RTN4IP1: variants seen among roughly 807,000 people sequenced by gnomAD.
The protein encoded by RTN4IP1 is NAD(P)H oxidoreductase RTN4IP1, mitochondrial.
RTN4IP1 carries 32 observed loss-of-function variants against 46.6 expected under a neutral mutation model. The ratio of observed to expected loss-of-function variants is 0.69; its 90% CI spans 0.52 to 0.92. The LOEUF (loss-of-function observed/expected upper bound fraction) is 0.92, where lower values mean the gene tolerates loss of function less well. RTN4IP1 is among the 40% of genes least tolerant of loss of function. RTN4IP1 has a pLI of 0.00. For synonymous variants in RTN4IP1, 167 were observed against 161.8 expected, an observed-to-expected ratio of 1.03 and a Z score of -0.24; for missense variants, 424 against 485.8, an observed-to-expected ratio of 0.87 and a Z score of 1.20.
At chr6:106,610,321 C>T (rs1026039318) in intron 4 of RTN4IP1, among the ~76,000 whole-genome samples, 1 of 152,162 alleles carries the variant, frequency 6.6e-6, no homozygotes, top group African/African-American at 2.4e-5. Context: ...ACCTCAGCCT[C>T]CCAAAGTGCT....
intron 1 of RTN4IP1, among the ~76,000 whole-genome samples, chr6:106,624,759 A>G (rs1455866123): frequency 6.6e-6 from 1 of 151,308 alleles, no homozygotes; most frequent in Non-Finnish European, 1.5e-5. Flanking sequence ...ACCAGCCTAG[A>G]GCTCATCTCT....
In RTN4IP1 at chr6:106,628,624, G is replaced by A. The variant is rs142415099; in HGVS notation, c.274+124C>T. 2,235 of 901,614 alleles carry A rather than the reference G, an allele frequency of 2.5e-3. 5 individuals are homozygous for A. The highest frequency in any genetic ancestry group is 8.2e-3 in the Middle Eastern group (26 of 3,152). 55.9% of individuals were successfully genotyped at this position (901,614 alleles called of 1,614,324 possible). A position where few individuals can be genotyped will look rare whatever the true frequency, so the allele number is the denominator to read the frequency against. On this transcript the variant is annotated intron_variant, in intron 1 of 8. Coordinates refer to ENST00000369063, the MANE Select transcript of RTN4IP1 (RefSeq NM_032730.5). Reference sequence around the variant, plus strand: ...AAAAATTTTGGAAATATTTGCAGAGGTATTGTTAAAAACCTAAATGATTCA... The same window carrying A: ...AAAAATTTTGGAAATATTTGCAGAGATATTGTTAAAAACCTAAATGATTCA...
chr6:106,574,626 G>A (rs907606568), intron 8 of RTN4IP1, among the ~76,000 whole-genome samples: 1 of 152,122 alleles, frequency 6.6e-6, no homozygotes, highest in Admixed American at 6.5e-5. Flanking sequence ...GAACCTGTAG[G>A]GGGTGGGGCA....
At position 106,573,609 on chromosome 6, in the gene RTN4IP1, G is replaced by C. The variant is rs6915553; in HGVS notation, c.1084-1506C>G. ...ATTTAATCCCCATAACCATTTTCTG[G>C]GGTAAATACTGTTATTCCCATTTTA... On this transcript the variant is annotated intron_variant, in intron 8 of 8. Coordinates refer to ENST00000369063, the MANE Select transcript of RTN4IP1 (RefSeq NM_032730.5). Among the ~76,000 whole-genome samples, 264 of 152,236 alleles carry C rather than the reference G, an allele frequency of 1.7e-3. 1 individual carries two copies. Among genetic ancestry groups the C allele is most frequent in the African/African-American group, 6.0e-3 (251 of 41,538 alleles).
At chr6:106,580,415 G>C (rs751748031) in intron 8 of RTN4IP1, among the ~76,000 whole-genome samples, 3 of 151,838 alleles carry the variant, frequency 2.0e-5, no homozygotes, top group Non-Finnish European at 4.4e-5. Context: ...TTCAAAAGCT[G>C]TCTATTTTAA....
rs72613231 is a variant in RTN4IP1 at position 106,586,041 on chromosome 6, C to G, written c.990+1638G>C. ...TGAATCAAATGAAAATAAAGAACAC[C>G]ACAGTGCAGCGCTTGGTTTGTTCAT... On this transcript the variant is annotated intron_variant, in intron 7 of 8. Coordinates refer to ENST00000369063, the MANE Select transcript of RTN4IP1 (RefSeq NM_032730.5). Among the ~76,000 whole-genome samples, 2,490 of 152,206 alleles carry G rather than the reference C, an allele frequency of 0.016. 145 individuals carry two copies. In the East Asian group the frequency reaches 0.19, roughly 12 times the overall value.
chr6:106,592,753 G>A (rs1486140854), intron 5 of RTN4IP1, among the ~76,000 whole-genome samples: 5 of 152,022 alleles, frequency 3.3e-5, no homozygotes, highest in Admixed American at 6.6e-5. Flanking sequence ...GTGAAACCCC[G>A]TCTCTACTAA....
chr6:106,606,911 T>G (rs1024852004), intron 4 of RTN4IP1, among the ~76,000 whole-genome samples: 1 of 151,880 alleles, frequency 6.6e-6, no homozygotes, highest in Non-Finnish European at 1.5e-5. Flanking sequence ...TCCTAAAATT[T>G]GCATGGAACC....
At chr6:106,627,683 T>C (rs2114688375) in intron 1 of RTN4IP1, among the ~76,000 whole-genome samples, 1 of 145,392 alleles carries the variant, frequency 6.9e-6, no homozygotes, top group East Asian at 2.1e-4. Context: ...AATTACTACT[T>C]CAAAACAAAG....
At chr6:106,627,185 AGT>A (rs1358810765) in intron 1 of RTN4IP1, among the ~76,000 whole-genome samples, 1 of 152,214 alleles carries the variant, frequency 6.6e-6, no homozygotes, top group East Asian at 1.9e-4. Flanking sequence ...TACCCATTCA[AGT>A]CATAAAAAAC....
At chr6:106,603,812 T>G (rs1775999519) in intron 4 of RTN4IP1, among the ~76,000 whole-genome samples, 1 of 152,204 alleles carries the variant, frequency 6.6e-6, no homozygotes, top group South Asian at 2.1e-4. Context: ...CTACTTGGAC[T>G]GGATGGTTTC....
At chr6:106,624,694 T>C (rs1318655738) in intron 1 of RTN4IP1, among the ~76,000 whole-genome samples, 1 of 149,654 alleles carries the variant, frequency 6.7e-6, no homozygotes, top group Admixed American at 6.6e-5. Flanking sequence ...ACATCTGTAA[T>C]CCCAGGACTT....
chr6:106,571,079 T>G lies in RTN4IP1; in HGVS notation c.*917A>C, dbSNP rs76153017. On this transcript the variant is annotated 3_prime_UTR_variant, in exon 9 of 9. Coordinates refer to ENST00000369063, the MANE Select transcript of RTN4IP1 (RefSeq NM_032730.5). Reference sequence around the variant, plus strand: ...CTCCATTGGAAGGCTGCAATTTCCATGGAAAAGCCCTCAGAGAAGCATGTT... The same window carrying G: ...CTCCATTGGAAGGCTGCAATTTCCAGGGAAAAGCCCTCAGAGAAGCATGTT... 6.6e-6 allele frequency: 1 copy of G among 152,182 alleles called. No homozygotes were observed. The highest frequency in any genetic ancestry group is 1.5e-5 in the Non-Finnish European group (1 of 68,038). 9.4% of individuals were successfully genotyped at this position (152,182 alleles called of 1,614,324 possible). A position where few individuals can be genotyped will look rare whatever the true frequency, so the allele number is the denominator to read the frequency against.
chr6:106,610,905 A>C (rs943384557), intron 4 of RTN4IP1, among the ~76,000 whole-genome samples: 5 of 152,146 alleles, frequency 3.3e-5, no homozygotes, highest in Admixed American at 1.3e-4. Flanking sequence ...CTAAACATAC[A>C]TTAAGGCACT....
Position 106,629,472 on chromosome 6 carries a change from T to C in RTN4IP1, c.-451A>G. The C allele has an allele frequency of 4.5e-6, 3 of 668,310 alleles. No homozygotes were observed. The highest frequency in any genetic ancestry group is 2.0e-5 in the South Asian group (1 of 50,398). The allele number at this position is 668,310 out of a possible 1,614,324, so 41.4% of individuals were successfully genotyped here. A position where few individuals can be genotyped will look rare whatever the true frequency, so the allele number is the denominator to read the frequency against. On this transcript the variant is annotated 5_prime_UTR_variant, in exon 1 of 9. Coordinates refer to ENST00000369063, the MANE Select transcript of RTN4IP1 (RefSeq NM_032730.5). Reference sequence around the variant, plus strand: ...GCCCGGAATCTCCTTGCCTGCCCGCTCTCCTTAGCCGCCGGGATGGCTTTG... The same window carrying C: ...GCCCGGAATCTCCTTGCCTGCCCGCCCTCCTTAGCCGCCGGGATGGCTTTG...
At chr6:106,587,202 G>GT (rs1414526176) in intron 7 of RTN4IP1, among the ~76,000 whole-genome samples, 2 of 152,230 alleles carry the variant, frequency 1.3e-5, no homozygotes, top group African/African-American at 4.8e-5. Context: ...AACAGCAGCT[G>GT]TAAGTTTTCA....
At chr6:106,572,226 G>C in intron 8 of RTN4IP1, 123 bp from the exon 9 acceptor site, 1 of 753,276 alleles carries the variant, frequency 1.3e-6, no homozygotes, top group Non-Finnish European at 2.2e-6. Context: ...TGTCTCTCCA[G>C]TGGACCCAGG....
At chr6:106,616,204 G>A (rs566749614) in intron 4 of RTN4IP1, among the ~76,000 whole-genome samples, 6 of 152,238 alleles carry the variant, frequency 3.9e-5, no homozygotes, top group South Asian at 4.1e-4. Context: ...GGCATGAGCC[G>A]CCGCGCCTGG....
At chr6:106,583,211 G>T in intron 8 of RTN4IP1, 117 bp downstream of exon 8, 1 of 729,460 alleles carries the variant, frequency 1.4e-6, no homozygotes, top group South Asian at 1.7e-5. Flanking sequence ...GGCAGCACAA[G>T]GTCAGGTGAG....
Sources: gnomAD v4.1 joint callset for allele counts (sites outside exome capture counted in the v4.1 genomes callset) on GRCh38, gnomAD v4.1.1 for gene constraint, MANE v1.5 for transcripts, NCBI Gene and HGNC (gene_info 2026-07-23, HGNC 2026-07-21) for gene names.